The following NEK4 variants were observed in gnomAD, a reference collection of about 807,000 sequenced individuals.
NEK4 encodes the protein NIMA related kinase 4.
NEK4 carries 86 observed loss-of-function variants against 98.4 expected under a neutral mutation model. The observed-to-expected ratio is 0.87, with a 90% CI of 0.73 to 1.05. The LOEUF (loss-of-function observed/expected upper bound fraction) is 1.05, where lower values mean the gene tolerates loss of function less well. Among genes scored for constraint, NEK4 ranks in the 50% least tolerant of loss-of-function variants. The probability of loss-of-function intolerance (pLI) is 0.00; values close to 1 mark genes in which losing one functional copy is unlikely to be tolerated. For synonymous variants in NEK4, 328 were observed against 342.2 expected (o/e 0.96, Z 0.46); for missense variants, 898 against 950.3 (o/e 0.94, Z 0.72).
chr3:52,764,400 G>C (rs1020048066), intron 4 of NEK4, among the ~76,000 whole-genome samples: 18 of 152,030 alleles, frequency 1.2e-4, no homozygotes, highest in African/African-American at 4.1e-4. Context: ...GGGAGGCCGA[G>C]GCGGGTGGAT....
chr3:52,733,671 G>C, intron 15 of NEK4: 1 of 463,310 alleles, frequency 2.2e-6, no homozygotes, highest in Non-Finnish European at 4.3e-6. Context: ...ATCCATACTG[G>C]AGAGAAACTT....
At chr3:52,740,493 G>T (rs976538579) in intron 13 of NEK4, among the ~76,000 whole-genome samples, 1 of 152,068 alleles carries the variant, frequency 6.6e-6, no homozygotes, top group African/African-American at 2.4e-5. Flanking sequence ...TATGAAATGT[G>T]AAACAGAAAA....
intron 2 of NEK4, 110 bp downstream of exon 2, chr3:52,768,227 CA>C (rs1298163053): frequency 1.1e-5 from 11 of 998,068 alleles, no homozygotes; most frequent in Non-Finnish European, 1.5e-5. Flanking sequence ...ATGAATTTTC[CA>C]AAAAATACAT....
At chr3:52,716,435 ACGT>A (rs926932870) in intron 15 of NEK4, among the ~76,000 whole-genome samples, 3 of 152,238 alleles carry the variant, frequency 2.0e-5, no homozygotes, top group Non-Finnish European at 4.4e-5. Flanking sequence ...GTTTCAACTG[ACGT>A]CGTATGAAGC....
At chr3:52,755,776 G>A (rs2097414205) in intron 6 of NEK4, among the ~76,000 whole-genome samples, 1 of 152,096 alleles carries the variant, frequency 6.6e-6, no homozygotes, top group Non-Finnish European at 1.5e-5. Context: ...ATATGATCTT[G>A]TGTCTAGGAA....
At chr3:52,718,349 A>G (rs1012098721) in intron 15 of NEK4, among the ~76,000 whole-genome samples, 25 of 151,404 alleles carry the variant, frequency 1.7e-4, no homozygotes, top group Non-Finnish European at 2.9e-4. Context: ...GGCAGACGCC[A>G]GTAATCCCAG....
At chr3:52,724,232 A>AACACACACACACACACACAC (rs10528307) in intron 15 of NEK4, among the ~76,000 whole-genome samples, 1,694 of 145,232 alleles carry the variant, frequency 0.012, 29 homozygotes, top group African/African-American at 0.039. Context: ...TTTGTCTTAA[A>AACACACACACACACACACAC]ACACACACAC....
At chr3:52,713,735 G>C (rs142295102) in intron 15 of NEK4, among the ~76,000 whole-genome samples, 1 of 149,968 alleles carries the variant, frequency 6.7e-6, no homozygotes, top group Admixed American at 6.7e-5. Flanking sequence ...CGGAGGTTGC[G>C]GTGAGCCAAG....
Position 52,709,990 on chromosome 3 carries a change from G to A in NEK4, c.*1787C>T, listed in dbSNP as rs2097348766. On this transcript the variant is annotated 3_prime_UTR_variant, in exon 16 of 16. Transcript: ENST00000233027. Reference sequence around the variant, plus strand: ...ACCAGGCTGTGAGCACTGTAAAAGGGCAGGAAGTATTGTTTTATTCACCAC... The same window carrying A: ...ACCAGGCTGTGAGCACTGTAAAAGGACAGGAAGTATTGTTTTATTCACCAC... 6.6e-6 allele frequency: 1 copy of A among 152,168 alleles called. No individual in the cohort carries two copies. The highest frequency in any genetic ancestry group is 1.5e-5 in the Non-Finnish European group (1 of 68,046). 9.4% of individuals were successfully genotyped at this position (152,168 alleles called of 1,614,324 possible).
intron 6 of NEK4, among the ~76,000 whole-genome samples, chr3:52,752,931 T>TACACACACACACACACACACACACAC (rs1193888628): frequency 7.3e-4 from 41 of 55,950 alleles, no homozygotes; most frequent in African/African-American, 2.2e-3. Context: ...TATATATATA[T>TACACACACACACACACACACACACAC]ATACACACAC....
chr3:52,739,371 C>T, intron 14 of NEK4, 58 bp downstream of exon 14: 1 of 1,456,810 alleles, frequency 6.9e-7, no homozygotes, highest in Non-Finnish European at 9.6e-7. Context: ...TGCACTCCAG[C>T]CTGGGTGACA....
chr3:52,742,648 T>C (rs17052404), intron 12 of NEK4, among the ~76,000 whole-genome samples: 16,991 of 152,088 alleles, frequency 0.11, 2,506 homozygotes, highest in African/African-American at 0.34. Context: ...TAAACTACAT[T>C]GACACAAATA....
Position 52,711,843 on chromosome 3 carries a change from T to C in NEK4, c.2460A>G (p.Glu820=). ...CTTTCACACTGTAAGTTGTATACTT[T>C]TCACCCATGTGCTCCCGCAAACGTA... ...REVRLREHMG[E]KYTTYSVKAR... The change falls in exon 16 of 16, where the codon GAA becomes GAG. Residue 820 remains glutamate, a synonymous_variant. Coordinates refer to ENST00000233027, the MANE Select transcript of NEK4 (RefSeq NM_003157.6). The C allele has an allele frequency of 6.2e-7, 1 of 1,607,868 alleles. No individual in the cohort carries two copies.
Position 52,743,327 on chromosome 3 carries a change from T to C in NEK4, c.2004+25A>G, listed in dbSNP as rs755829638. 5.7e-6 allele frequency: 9 copies of C among 1,575,426 alleles called. No individual in the cohort carries two copies. The South Asian group carries it at 1.0e-4, about 17-fold the overall frequency. The stretch of plus-strand genomic sequence containing the variant: ...CCTGCCAGATGTAGACTGTCCACCT[T>C]CTCTCTTAGGAGTACGTAATGCACC... On this transcript the variant is annotated intron_variant, in intron 12 of 15. Transcript: ENST00000233027.
At chr3:52,749,345 C>A in intron 8 of NEK4, among the ~76,000 whole-genome samples, 1 of 151,492 alleles carries the variant, frequency 6.6e-6, no homozygotes, top group Non-Finnish European at 1.5e-5. Context: ...GTTGGCCAGG[C>A]TGGTCTTGAA....
chr3:52,743,326 T>C (rs745596817), intron 12 of NEK4, 26 bp downstream of exon 12: 1 of 1,574,712 alleles, frequency 6.4e-7, no homozygotes, highest in East Asian at 2.2e-5. Flanking sequence ...ACTGTCCACC[T>C]TCTCTCTTAG....
Position 52,709,274 on chromosome 3 carries a change from G to A in NEK4, c.*2503C>T, listed in dbSNP as rs1315609036. 7 of 151,786 alleles carry A rather than the reference G, an allele frequency of 4.6e-5. No individual in the cohort carries two copies. In the South Asian group the frequency reaches 8.3e-4, roughly 18 times the overall value. 9.4% of individuals were successfully genotyped at this position (151,786 alleles called of 1,614,324 possible). ...CTGAACTGTGGCCAAAGGTATATTC[G>A]GAAGAAAATTCACAGTCTTAAAGAT... is the stretch of plus-strand genomic sequence containing the variant. On this transcript the variant is annotated 3_prime_UTR_variant, in exon 16 of 16. Transcript: ENST00000233027.
chr3:52,728,506 G>C (rs988056409), intron 15 of NEK4, among the ~76,000 whole-genome samples: 2 of 152,202 alleles, frequency 1.3e-5, no homozygotes, highest in Non-Finnish European at 1.5e-5. Flanking sequence ...ATCTTCATAA[G>C]ATGAGGATGT....
intron 4 of NEK4, among the ~76,000 whole-genome samples, chr3:52,764,321 A>C (rs1483295328): frequency 6.7e-6 from 1 of 150,158 alleles, no homozygotes; most frequent in African/African-American, 2.5e-5. Flanking sequence ...AAACGAAACT[A>C]GGCAGCAGGT....
Sources: allele counts gnomAD v4.1 joint callset (sites outside exome capture counted in the v4.1 genomes callset), GRCh38; gene constraint gnomAD v4.1.1; transcripts MANE v1.5; gene names NCBI Gene and HGNC (gene_info 2026-07-23, HGNC 2026-07-21).